CCDC30: variants seen among roughly 807,000 people sequenced by gnomAD.
The protein encoded by CCDC30 is coiled-coil domain-containing protein 30.
CCDC30 carries 70 observed loss-of-function variants against 100.2 expected under a neutral mutation model. The ratio of observed to expected loss-of-function variants is 0.70; its 90% CI spans 0.58 to 0.85. The LOEUF is 0.85. Ranked by LOEUF, CCDC30 falls within the 40% of genes least tolerant of loss-of-function variation. CCDC30 has a pLI of 0.00. For synonymous variants in CCDC30, 233 were observed against 269.5 expected (o/e 0.86, Z 1.33); for missense variants, 652 against 771.2 (o/e 0.85, Z 1.83).
intron 11 of CCDC30, among the ~76,000 whole-genome samples, chr1:42,615,646 T>G (rs893623596): frequency 1.3e-5 from 2 of 152,018 alleles, no homozygotes; most frequent in Non-Finnish European, 2.9e-5. Context: ...ATGTTAGAGG[T>G]CCTGTCTGTA....
At chr1:42,571,255 C>G (rs1161739291) in intron 7 of CCDC30, 1 of 152,152 alleles carries the variant, frequency 6.6e-6, no homozygotes. Context: ...TGAACAAATT[C>G]AATTTACCAA....
intron 8 of CCDC30, among the ~76,000 whole-genome samples, chr1:42,579,376 G>A (rs1343667100): frequency 6.6e-6 from 1 of 150,604 alleles, no homozygotes; most frequent in Non-Finnish European, 1.5e-5. Context: ...GCTCACACCT[G>A]TAATCCCAGC....
At chr1:42,590,942 G>A (rs1419083027) in intron 10 of CCDC30, 1 of 152,252 alleles carries the variant, frequency 6.6e-6, no homozygotes, top group African/African-American at 2.4e-5. Flanking sequence ...CCAAGGATCT[G>A]TGGAAGTTTG....
intron 7 of CCDC30, among the ~76,000 whole-genome samples, chr1:42,573,746 A>G (rs1455478411): frequency 6.6e-6 from 1 of 152,070 alleles, no homozygotes; most frequent in Non-Finnish European, 1.5e-5. Flanking sequence ...TGTACTTTAG[A>G]AAGAAAGAAA....
intron 6 of CCDC30, among the ~76,000 whole-genome samples, chr1:42,563,104 G>A (rs1645528038): frequency 6.6e-6 from 1 of 152,160 alleles, no homozygotes; most frequent in South Asian, 2.1e-4. Flanking sequence ...CCATTACTGG[G>A]TATATACCCA....
chr1:42,496,010 G>C (rs1557805171), intron 4 of CCDC30, among the ~76,000 whole-genome samples: 1 of 152,146 alleles, frequency 6.6e-6, no homozygotes, highest in Non-Finnish European at 1.5e-5. Context: ...AGACGACATG[G>C]AGCCAAGTGT....
intron 6 of CCDC30, among the ~76,000 whole-genome samples, chr1:42,520,978 CTTTTT>C (rs35261350): frequency 7.5e-6 from 1 of 133,284 alleles, no homozygotes; most frequent in Non-Finnish European, 1.6e-5. Context: ...TTTCTTTTTT[CTTTTT>C]TTTTTTTTGA....
the CCDC30 span, chr1:42,456,129 G>T: frequency 1.4e-6 from 1 of 717,054 alleles, no homozygotes; most frequent in South Asian, 1.5e-5. Flanking sequence ...GACGTGACTC[G>T]ACTAACATCT....
At chr1:42,634,991 T>C (rs949335367) in intron 11 of CCDC30, among the ~76,000 whole-genome samples, 3 of 152,190 alleles carry the variant, frequency 2.0e-5, no homozygotes, top group African/African-American at 7.2e-5. Context: ...AGGTTCATGT[T>C]GTAGCATGTA....
intron 9 of CCDC30, among the ~76,000 whole-genome samples, chr1:42,586,295 TTTTG>T (rs57735661): frequency 0.015 from 2,306 of 152,092 alleles, 48 homozygotes; most frequent in African/African-American, 0.046. Flanking sequence ...GAACCTTAGA[TTTTG>T]TTTGTTTGTT....
upstream of CCDC30, among the ~76,000 whole-genome samples, chr1:42,462,934 C>A (rs1643448947): frequency 6.6e-6 from 1 of 152,236 alleles, no homozygotes; most frequent in Non-Finnish European, 1.5e-5. Context: ...GCACTTCCTG[C>A]CCCTTTAAGA....
chr1:42,552,609 A>G lies in CCDC30; in HGVS notation c.457-13687A>G, dbSNP rs1011250221. Among the ~76,000 whole-genome samples, 3 of 113,856 alleles carry G rather than the reference A, an allele frequency of 2.6e-5. No individual in the cohort carries two copies. In the South Asian group the frequency reaches 7.9e-4, roughly 30 times the overall value. The allele number at this position is 113,856 out of a possible 152,430, so 74.7% of individuals were successfully genotyped here. On this transcript the variant is annotated intron_variant, in intron 6 of 16. Transcript: ENST00000668663. ...AATATACTTTAAATGGAAAAATTTT[A>G]AAAAAAATTATTTTGAGGTAATTGC...
chr1:42,475,640 GT>G (rs1296043974), intron 1 of CCDC30, among the ~76,000 whole-genome samples: 1 of 152,090 alleles, frequency 6.6e-6, no homozygotes, highest in African/African-American at 2.4e-5. Context: ...TACTTCTAAT[GT>G]TTTAAGTGTA....
intron 11 of CCDC30, among the ~76,000 whole-genome samples, chr1:42,629,597 T>A (rs963228890): frequency 1.3e-5 from 2 of 152,142 alleles, no homozygotes; most frequent in African/African-American, 4.8e-5. Flanking sequence ...ATTATCCCCT[T>A]GAATAAACTT....
chr1:42,495,280 C>T (rs1644213478), intron 4 of CCDC30, among the ~76,000 whole-genome samples: 1 of 151,836 alleles, frequency 6.6e-6, no homozygotes, highest in African/African-American at 2.4e-5. Context: ...ACCACATATT[C>T]TCACTCATAG....
chr1:42,598,763 A>T (rs544890003), intron 10 of CCDC30, among the ~76,000 whole-genome samples: 4 of 152,062 alleles, frequency 2.6e-5, no homozygotes, highest in African/African-American at 9.6e-5. Context: ...GTCTCAAAAA[A>T]AAAAGTAAAG....
At chr1:42,458,328 G>A (rs771100513), upstream of CCDC30, among the ~76,000 whole-genome samples, 2 of 152,166 alleles carry the variant, frequency 1.3e-5, no homozygotes, top group Non-Finnish European at 2.9e-5. Flanking sequence ...TATGGATAAG[G>A]TAGGTGTGGT....
chr1:42,461,488 A>C (rs1041473637), upstream of CCDC30, among the ~76,000 whole-genome samples: 1 of 151,556 alleles, frequency 6.6e-6, no homozygotes, highest in Admixed American at 6.6e-5. Flanking sequence ...GGTGTGTGCC[A>C]CCATGCCTGG....
At chr1:42,497,269 C>T in intron 5 of CCDC30, 56 bp downstream of exon 5, 8 of 1,011,560 alleles carry the variant, frequency 7.9e-6, no homozygotes, top group Non-Finnish European at 1.0e-5. Flanking sequence ...TAACAATCAA[C>T]AGCATAAGCA....
Sources: allele counts gnomAD v4.1 joint callset (sites outside exome capture counted in the v4.1 genomes callset), GRCh38; gene constraint gnomAD v4.1.1; transcripts MANE v1.5; gene names NCBI Gene and HGNC (gene_info 2026-07-23, HGNC 2026-07-21).